The following SP140 variants were observed in gnomAD, a reference collection of about 807,000 sequenced individuals.
SP140 encodes SP140 nuclear body protein, also known as nuclear body protein SP140.
In SP140, 81 loss-of-function variants were observed where a neutral mutation model predicts 125.0. The ratio of observed to expected loss-of-function variants is 0.65; its 90% CI spans 0.54 to 0.78. SP140 has a LOEUF of 0.78. Among genes scored for constraint, SP140 ranks in the 30% least tolerant of loss-of-function variants. SP140 has a pLI of 0.00. For missense variants in SP140, 858 were observed against 1,037.0 expected, an observed-to-expected ratio of 0.83 and a Z score of 2.37; for synonymous variants, 312 against 354.0, an observed-to-expected ratio of 0.88 and a Z score of 1.33.
At chr2:230,279,387 G>A (rs1362244607) in intron 15 of SP140, among the ~76,000 whole-genome samples, 1 of 151,974 alleles carries the variant, frequency 6.6e-6, no homozygotes, top group Non-Finnish European at 1.5e-5. Flanking sequence ...GAAACAAACT[G>A]GAGGCATCAT....
At chr2:230,294,594 G>A (rs1241851070) in intron 21 of SP140, among the ~76,000 whole-genome samples, 3 of 152,136 alleles carry the variant, frequency 2.0e-5, no homozygotes, top group South Asian at 2.1e-4. Flanking sequence ...AGCAATAGAT[G>A]CAGATGTCTT....
In SP140 at chr2:230,206,124, T is replaced by C. The variant is rs141874157; in HGVS notation, c.-323+2845T>C. ...ATTTTGGACACTGGGATCATACTAA[T>C]GATAAACTAAGTCAGGGAAGAGGAG... On this transcript the variant is annotated intron_variant, in intron 1 of 4. Coordinates refer to the SP140 transcript ENST00000456542. Among the ~76,000 whole-genome samples the C allele has an allele frequency of 1.6e-4, 24 of 152,318 alleles. 1 individual carries two copies. In the East Asian group the frequency reaches 4.6e-3, roughly 29 times the overall value.
intron 22 of SP140, among the ~76,000 whole-genome samples, chr2:230,303,609 A>T (rs1306210710): frequency 6.6e-6 from 1 of 152,206 alleles, no homozygotes; most frequent in Non-Finnish European, 1.5e-5. Context: ...GGCATAGCTC[A>T]TGTCAACAAA....
the SP140 span, among the ~76,000 whole-genome samples, chr2:230,194,185 C>T: frequency 6.6e-5 from 10 of 152,218 alleles, no homozygotes; most frequent in Admixed American, 1.3e-4. Context: ...TGTCCTAATT[C>T]ATGTTTGGGA....
At chr2:230,199,141 TATTATTA>T (rs370796562), upstream of SP140, among the ~76,000 whole-genome samples, 1 of 134,254 alleles carries the variant, frequency 7.4e-6, no homozygotes, top group African/African-American at 3.3e-5. Context: ...TTATTATTAT[TATTATTA>T]TTTTTTTTTT....
Position 230,238,931 on chromosome 2 carries a change from T to C in SP140, c.406+550T>C, listed in dbSNP as rs1391532196. Reference sequence around the variant, plus strand: ...GGCCTTTCCGAACCATGTGGTTGAATTGCAGACTGTGGGAGGCAGGGTGTG... The same window carrying C: ...GGCCTTTCCGAACCATGTGGTTGAACTGCAGACTGTGGGAGGCAGGGTGTG... On this transcript the variant is annotated intron_variant, in intron 3 of 26. Transcript: ENST00000392045. 8 of 1,546,030 alleles carry C rather than the reference T, an allele frequency of 5.2e-6. No individual in the cohort carries two copies. In the East Asian group the frequency reaches 9.8e-5, roughly 19 times the overall value.
the SP140 span, among the ~76,000 whole-genome samples, chr2:230,195,836 T>C: frequency 6.6e-6 from 1 of 152,006 alleles, no homozygotes; most frequent in Non-Finnish European, 1.5e-5. Context: ...CCGACACTAT[T>C]AAAGCAAAAA....
chr2:230,259,790 A>ATATATC (rs2051898715), intron 12 of SP140, among the ~76,000 whole-genome samples: 4 of 111,644 alleles, frequency 3.6e-5, no homozygotes, highest in Admixed American at 3.6e-4. Flanking sequence ...ATATATATAT[A>ATATATC]TATATACCAC....
At chr2:230,302,874 C>T (rs1189903229) in intron 22 of SP140, among the ~76,000 whole-genome samples, 1 of 151,826 alleles carries the variant, frequency 6.6e-6, no homozygotes, top group Non-Finnish European at 1.5e-5. Flanking sequence ...ACAATAATGA[C>T]ACAAGCTATC....
chr2:230,267,927 T>G (rs938203638), intron 12 of SP140, among the ~76,000 whole-genome samples: 1 of 152,272 alleles, frequency 6.6e-6, no homozygotes, highest in Admixed American at 6.5e-5. Context: ...ACCGAACATC[T>G]TTGCACAGTT....
upstream of SP140, among the ~76,000 whole-genome samples, chr2:230,222,837 A>G (rs1221470330): frequency 7.0e-6 from 1 of 142,142 alleles, no homozygotes; most frequent in African/African-American, 2.7e-5. Context: ...CGTGTGTATT[A>G]AAGTTTTTTT....
At chr2:230,284,204 C>A in intron 15 of SP140, 142 bp from the exon 16 acceptor site, 1 of 749,698 alleles carries the variant, frequency 1.3e-6, no homozygotes, top group Non-Finnish European at 2.1e-6. Context: ...AACCTCCACG[C>A]TGCTACACTG....
At chr2:230,304,379 T>G (rs572005775) in intron 22 of SP140, among the ~76,000 whole-genome samples, 10 of 152,252 alleles carry the variant, frequency 6.6e-5, no homozygotes, top group African/African-American at 2.4e-4. Flanking sequence ...CCATGATCAT[T>G]TTTCACAGAA....
intron 3 of SP140, among the ~76,000 whole-genome samples, chr2:230,240,042 C>T (rs1272983401): frequency 6.6e-6 from 1 of 152,074 alleles, no homozygotes; most frequent in African/African-American, 2.4e-5. Flanking sequence ...CACGACTGCC[C>T]ACTGCCTCAG....
intron 17 of SP140, among the ~76,000 whole-genome samples, 189 bp downstream of exon 17, chr2:230,286,021 C>G (rs908394810): frequency 6.6e-6 from 1 of 152,184 alleles, no homozygotes. Flanking sequence ...TATCATAGAT[C>G]TTATCTGCCC....
intron 4 of SP140, 26 bp downstream of exon 4, chr2:230,241,513 C>T: frequency 7.3e-7 from 1 of 1,362,818 alleles, no homozygotes; most frequent in Non-Finnish European, 1.1e-6. Context: ...CTGATCAATG[C>T]CCTTATTAAA....
In SP140 at chr2:230,299,050, A is replaced by T. The variant is rs74409932; in HGVS notation, c.2058+1588A>T. Among the ~76,000 whole-genome samples, 431 of 152,362 alleles carry T rather than the reference A, an allele frequency of 2.8e-3. 7 individuals carry two copies. In the East Asian group the frequency reaches 0.063, roughly 22 times the overall value. ...AGAAATCAAATCTCTTCTTGAAAAG[A>T]TGGGTTTGGAGAACAAAATGGCAGA... On this transcript the variant is annotated intron_variant, in intron 22 of 26. Transcript: ENST00000392045.
At chr2:230,314,016 T>C (rs1214456174), downstream of SP140, among the ~76,000 whole-genome samples, 1 of 152,214 alleles carries the variant, frequency 6.6e-6, no homozygotes, top group African/African-American at 2.4e-5. Flanking sequence ...CACCTGCAGC[T>C]GGAAGGCAGA....
chr2:230,195,946 A>G, the SP140 span, among the ~76,000 whole-genome samples: 1 of 152,204 alleles, frequency 6.6e-6, no homozygotes, highest in African/African-American at 2.4e-5. Context: ...AATATAAGTT[A>G]AAAATGCTCA....
Sources: gnomAD v4.1 joint callset for allele counts (sites outside exome capture counted in the v4.1 genomes callset) on GRCh38, gnomAD v4.1.1 for gene constraint, MANE v1.5 for transcripts, NCBI Gene and HGNC (gene_info 2026-07-23, HGNC 2026-07-21) for gene names.